PCDH15: variants seen among roughly 807,000 people sequenced by gnomAD.
PCDH15 encodes the protein protocadherin related 15.
PCDH15 carries 129 observed loss-of-function variants against 178.5 expected under a neutral mutation model. The observed-to-expected ratio is 0.72, with a 90% CI of 0.63 to 0.84. The LOEUF (loss-of-function observed/expected upper bound fraction) is 0.84. Ranked by LOEUF, PCDH15 falls within the 40% of genes least tolerant of loss-of-function variation. The pLI is 0.00. For missense variants in PCDH15, 2,230 were observed against 2,099.9 expected (o/e 1.06, Z -1.21); for synonymous variants, 800 against 732.0 (o/e 1.09, Z -1.50).
intron 20 of PCDH15, among the ~76,000 whole-genome samples, chr10:54,009,850 T>C (rs545576898): frequency 1.4e-4 from 22 of 152,234 alleles, no homozygotes; most frequent in African/African-American, 5.3e-4. Flanking sequence ...CGGAGAACCA[T>C]GTGGAGTCTT....
At chr10:54,198,907 G>A (rs2049961076) in intron 10 of PCDH15, among the ~76,000 whole-genome samples, 1 of 151,848 alleles carries the variant, frequency 6.6e-6, no homozygotes, top group Non-Finnish European at 1.5e-5. Context: ...TGGTGAGGAG[G>A]ATGAAAAAAG....
chr10:55,483,455 A>T (rs1840227446), intron 2 of PCDH15, among the ~76,000 whole-genome samples: 1 of 151,864 alleles, frequency 6.6e-6, no homozygotes, highest in South Asian at 2.1e-4. Flanking sequence ...GTCATTAAAA[A>T]TAAAAAAATA....
intron 2 of PCDH15, among the ~76,000 whole-genome samples, chr10:55,081,927 A>T (rs1564782016): frequency 6.6e-6 from 1 of 152,172 alleles, no homozygotes. Flanking sequence ...CATATAAAGC[A>T]AAAATTATTA....
chr10:54,341,135 C>G (rs1175692587), intron 6 of PCDH15, among the ~76,000 whole-genome samples: 1 of 152,100 alleles, frequency 6.6e-6, no homozygotes, highest in African/African-American at 2.4e-5. Context: ...AGCTGACATT[C>G]CTGGGGGTGG....
rs554427322 is a variant in PCDH15 at position 54,109,115 on chromosome 10, A to G, written c.1918-19052T>C. 3.9e-5 allele frequency among the ~76,000 whole-genome samples: 6 copies of G among 152,120 alleles called. 1 individual carries two copies. In the South Asian group the frequency reaches 1.2e-3, roughly 32 times the overall value. On this transcript the variant is annotated intron_variant, in intron 15 of 37. Coordinates refer to ENST00000644397, the MANE Select transcript of PCDH15 (RefSeq NM_001384140.1). ...GGGAGAGACTCCTTCTGCTTGAGAAAACTCTTGCATGCTGTTCGTATAAAT... is the reference window on the plus strand; with the variant it reads ...GGGAGAGACTCCTTCTGCTTGAGAAGACTCTTGCATGCTGTTCGTATAAAT...
chr10:54,460,457 G>T (rs2077097454), intron 3 of PCDH15, among the ~76,000 whole-genome samples: 1 of 151,984 alleles, frequency 6.6e-6, no homozygotes, highest in South Asian at 2.1e-4. Context: ...AAAATATTTG[G>T]AGACAGTTGG....
intron 1 of PCDH15, among the ~76,000 whole-genome samples, chr10:54,778,848 A>T (rs1949977094): frequency 6.6e-6 from 1 of 152,162 alleles, no homozygotes. Flanking sequence ...AAGAACTCTA[A>T]CCTATAATTC....
At chr10:53,888,304 A>ACGTATATATATATATG (rs1554845196) in intron 26 of PCDH15, among the ~76,000 whole-genome samples, 1 of 88,976 alleles carries the variant, frequency 1.1e-5, no homozygotes, top group Non-Finnish European at 2.0e-5. Context: ...ATATATATAT[A>ACGTATATATATATATG]TATATGTATA....
intron 13 of PCDH15, among the ~76,000 whole-genome samples, chr10:54,180,377 C>G (rs1189076919): frequency 1.3e-5 from 2 of 152,162 alleles, no homozygotes; most frequent in African/African-American, 4.8e-5. Context: ...ATATACTGTA[C>G]TTAAAAAATT....
chr10:54,658,459 A>T (rs2094443440), intron 2 of PCDH15, among the ~76,000 whole-genome samples: 1 of 152,178 alleles, frequency 6.6e-6, no homozygotes, highest in Non-Finnish European at 1.5e-5. Flanking sequence ...AGCCAGAAGG[A>T]ATTAGAGGTC....
chr10:53,904,309 A>G (rs2082524593), intron 25 of PCDH15, among the ~76,000 whole-genome samples: 1 of 152,140 alleles, frequency 6.6e-6, no homozygotes, highest in Non-Finnish European at 1.5e-5. Flanking sequence ...TTTATCAAGG[A>G]TGCCCTTATT....
chr10:54,408,223 G>C (rs1589252548), intron 3 of PCDH15, among the ~76,000 whole-genome samples: 1 of 151,284 alleles, frequency 6.6e-6, no homozygotes, highest in African/African-American at 2.4e-5. Context: ...ATATTTTGCA[G>C]AAGTGTTAAT....
chr10:54,792,305 A>C (rs1591653606), intron 1 of PCDH15, among the ~76,000 whole-genome samples: 1 of 152,066 alleles, frequency 6.6e-6, no homozygotes, highest in South Asian at 2.1e-4. Context: ...AGCAATGTCA[A>C]GTAGGGAGCA....
intron 3 of PCDH15, among the ~76,000 whole-genome samples, chr10:54,513,870 C>A (rs1443371446): frequency 2.0e-5 from 3 of 152,174 alleles, no homozygotes; most frequent in Non-Finnish European, 4.4e-5. Context: ...TTTGCCCTCA[C>A]AGAAATTGCA....
chr10:54,338,117 G>T (rs1016554748), intron 6 of PCDH15, among the ~76,000 whole-genome samples: 8 of 152,124 alleles, frequency 5.3e-5, no homozygotes, highest in Admixed American at 5.2e-4. Context: ...AACTTCCAAG[G>T]AAACTGTATT....
At chr10:53,972,038 A>G (rs1285559540) in intron 21 of PCDH15, among the ~76,000 whole-genome samples, 1 of 152,176 alleles carries the variant, frequency 6.6e-6, no homozygotes, top group Non-Finnish European at 1.5e-5. Context: ...TTCAAACTAT[A>G]CTACAAGTCT....
intron 8 of PCDH15, among the ~76,000 whole-genome samples, chr10:54,264,385 C>T (rs1339970807): frequency 2.6e-5 from 4 of 152,114 alleles, no homozygotes; most frequent in African/African-American, 7.2e-5. Flanking sequence ...TCCAAAGCCT[C>T]TCACTAGCTC....
chr10:54,198,231 T>C (rs2049869638), intron 10 of PCDH15, among the ~76,000 whole-genome samples: 1 of 152,086 alleles, frequency 6.6e-6, no homozygotes, highest in Admixed American at 6.6e-5. Context: ...TTTTAGGAGT[T>C]ACCCCTGTGA....
intron 13 of PCDH15, among the ~76,000 whole-genome samples, chr10:54,153,955 T>C (rs1233180784): frequency 3.3e-5 from 5 of 152,206 alleles, no homozygotes; most frequent in Non-Finnish European, 1.5e-5. Context: ...CAAGAAATGT[T>C]TCTTTGGGGA....
Sources: gnomAD v4.1 joint callset for allele counts (sites outside exome capture counted in the v4.1 genomes callset) on GRCh38, gnomAD v4.1.1 for gene constraint, MANE v1.5 for transcripts, NCBI Gene and HGNC (gene_info 2026-07-23, HGNC 2026-07-21) for gene names.